AUTS2: variants seen among roughly 807,000 people sequenced by gnomAD.
AUTS2 encodes autism susceptibility gene 2 protein.
Under a neutral mutation model 112.4 loss-of-function variants are expected in AUTS2, and 17 were observed. The ratio of observed to expected loss-of-function variants is 0.15; its 90% CI spans 0.10 to 0.23. The LOEUF (loss-of-function observed/expected upper bound fraction) is 0.23. AUTS2 is among the 10% of genes least tolerant of loss of function. The probability of loss-of-function intolerance (pLI) is 1.00; values close to 1 mark genes in which losing one functional copy is unlikely to be tolerated. For synonymous variants in AUTS2, 751 were observed against 702.7 expected, an observed-to-expected ratio of 1.07 and a Z score of -1.09; for missense variants, 1,510 against 1,701.6, an observed-to-expected ratio of 0.89 and a Z score of 1.98.
At chr7:69,611,540 G>A (rs184238073) in intron 1 of AUTS2, among the ~76,000 whole-genome samples, 3 of 152,296 alleles carry the variant, frequency 2.0e-5, no homozygotes, top group Non-Finnish European at 4.4e-5. Flanking sequence ...TCCAGAAATG[G>A]TTCCTGTGTT....
chr7:70,279,034 T>C (rs1054124246), intron 4 of AUTS2, among the ~76,000 whole-genome samples: 9 of 152,232 alleles, frequency 5.9e-5, no homozygotes, highest in South Asian at 2.1e-4. Flanking sequence ...TTTTCTGTCT[T>C]TGTGAATTAT....
chr7:70,707,145 A>C (rs1404348049), intron 6 of AUTS2, among the ~76,000 whole-genome samples: 2 of 152,244 alleles, frequency 1.3e-5, no homozygotes, highest in Non-Finnish European at 2.9e-5. Context: ...ACAGTGGGCT[A>C]AGTATTTTAC....
chr7:70,788,240 T>C (rs1318499218), intron 18 of AUTS2, among the ~76,000 whole-genome samples: 3 of 152,226 alleles, frequency 2.0e-5, no homozygotes, highest in Non-Finnish European at 4.4e-5. Flanking sequence ...CCTTGCAGTA[T>C]TTAAGATTCA....
At chr7:70,754,449 A>T (rs1789061939) in intron 6 of AUTS2, among the ~76,000 whole-genome samples, 1 of 151,582 alleles carries the variant, frequency 6.6e-6, no homozygotes, top group African/African-American at 2.4e-5. Context: ...TGATTGCACC[A>T]CTGCATCCCA....
chr7:70,338,808 A>G (rs1464629064), intron 4 of AUTS2, among the ~76,000 whole-genome samples: 1 of 149,310 alleles, frequency 6.7e-6, no homozygotes, highest in South Asian at 2.2e-4. Context: ...AGGCTGTTCC[A>G]CCTAACCCAT....
At chr7:70,236,554 G>A (rs745671450) in intron 4 of AUTS2, among the ~76,000 whole-genome samples, 7 of 152,094 alleles carry the variant, frequency 4.6e-5, no homozygotes, top group Admixed American at 3.9e-4. Flanking sequence ...GTATATTGCC[G>A]ATTTAGGAAC....
chr7:70,660,715 T>C (rs756835206), intron 5 of AUTS2, among the ~76,000 whole-genome samples: 8 of 152,334 alleles, frequency 5.3e-5, no homozygotes, highest in African/African-American at 1.7e-4. Context: ...GAAGTAGCTG[T>C]TGGTTTATTC....
chr7:70,130,911 T>C (rs1463295042), intron 3 of AUTS2, among the ~76,000 whole-genome samples: 1 of 152,152 alleles, frequency 6.6e-6, no homozygotes, highest in Non-Finnish European at 1.5e-5. Context: ...ACTCTACCAC[T>C]TGAAGAAATA....
At chr7:70,072,041 T>C (rs866991199) in intron 2 of AUTS2, among the ~76,000 whole-genome samples, 26 of 152,356 alleles carry the variant, frequency 1.7e-4, no homozygotes, top group South Asian at 8.3e-4. Flanking sequence ...TGGCGGCCTT[T>C]AACTCTTATA....
At chr7:69,853,972 A>T in intron 1 of AUTS2, among the ~76,000 whole-genome samples, 1 of 152,188 alleles carries the variant, frequency 6.6e-6, no homozygotes, top group Non-Finnish European at 1.5e-5. Context: ...TTGCTCTAGA[A>T]CAATATTAAC....
intron 5 of AUTS2, among the ~76,000 whole-genome samples, chr7:70,586,591 G>A (rs894162159): frequency 6.6e-6 from 1 of 152,206 alleles, no homozygotes; most frequent in Non-Finnish European, 1.5e-5. Flanking sequence ...GATAGCACTG[G>A]TAGACAGGCA....
intron 5 of AUTS2, among the ~76,000 whole-genome samples, chr7:70,678,369 G>C (rs1173341587): frequency 1.3e-5 from 2 of 152,204 alleles, no homozygotes; most frequent in Admixed American, 1.3e-4. Context: ...ACATGAAGAG[G>C]CTAACACTGC....
chr7:70,505,199 A>G (rs1798916226), intron 5 of AUTS2, among the ~76,000 whole-genome samples: 1 of 152,174 alleles, frequency 6.6e-6, no homozygotes, highest in African/African-American at 2.4e-5. Flanking sequence ...AGGGAGGTTG[A>G]TTTTTACCTC....
At chr7:69,916,955 T>C (rs1795602841) in intron 2 of AUTS2, among the ~76,000 whole-genome samples, 1 of 152,244 alleles carries the variant, frequency 6.6e-6, no homozygotes, top group African/African-American at 2.4e-5. Flanking sequence ...GAGTTTTCAT[T>C]GACTTTACTT....
chr7:69,983,969 T>C (rs1245111900), intron 2 of AUTS2, among the ~76,000 whole-genome samples: 1 of 152,222 alleles, frequency 6.6e-6, no homozygotes, highest in Non-Finnish European at 1.5e-5. Context: ...TCTAGTTTCA[T>C]TTTATCTATT....
chr7:70,389,251 T>C (rs1220203022), intron 4 of AUTS2, among the ~76,000 whole-genome samples: 2 of 152,112 alleles, frequency 1.3e-5, no homozygotes, highest in Non-Finnish European at 2.9e-5. Context: ...TCCTACCTAC[T>C]CCTTGCAACT....
intron 1 of AUTS2, among the ~76,000 whole-genome samples, chr7:69,784,020 C>T (rs1789258030): frequency 6.6e-6 from 1 of 152,188 alleles, no homozygotes; most frequent in Non-Finnish European, 1.5e-5. Flanking sequence ...AGCCCCCCTC[C>T]CCAACCTTCA....
intron 1 of AUTS2, among the ~76,000 whole-genome samples, chr7:69,853,601 A>C (rs917879948): frequency 2.6e-5 from 4 of 152,214 alleles, no homozygotes; most frequent in South Asian, 2.1e-4. Context: ...ATATTTAGTC[A>C]CTGTACCTTT....
chr7:70,076,106 G>A (rs1346349721), intron 2 of AUTS2, among the ~76,000 whole-genome samples: 1 of 152,118 alleles, frequency 6.6e-6, no homozygotes, highest in Admixed American at 6.6e-5. Flanking sequence ...ACCAACCCCT[G>A]CTTTAGAAGA....
Sources: gnomAD v4.1 joint callset for allele counts (sites outside exome capture counted in the v4.1 genomes callset) on GRCh38, gnomAD v4.1.1 for gene constraint, MANE v1.5 for transcripts, NCBI Gene and HGNC (gene_info 2026-07-23, HGNC 2026-07-21) for gene names.